The following KLHDC9 variants were observed in gnomAD, a reference collection of about 807,000 sequenced individuals.
The protein encoded by KLHDC9 is kelch domain containing 9, also known as kelch domain-containing protein 9.
Under a neutral mutation model 31.5 loss-of-function variants are expected in KLHDC9, and 26 were observed. The ratio of observed to expected loss-of-function variants is 0.83; its 90% CI spans 0.61 to 1.15. The LOEUF is 1.15. Among genes scored for constraint, KLHDC9 ranks in the 50% most tolerant of loss-of-function variants. KLHDC9 has a pLI of 0.00. For missense variants in KLHDC9, 437 were observed against 467.7 expected (o/e 0.93, Z 0.61); for synonymous variants, 176 against 184.7 (o/e 0.95, Z 0.38).
chr1:161,098,527 C>T lies in KLHDC9; in HGVS notation c.-9C>T. On this transcript the variant is annotated 5_prime_UTR_variant, in exon 1 of 4. Transcript: ENST00000368011. This position sits in a 1 kb window ranked among gnomAD's most constrained non-coding sequence, Gnocchi z 6.3. ...GCAGACCCCACCGCCCTCCCTCTCC[C>T]CGGGGCCCATGGCGGTGGCCGTGCC... 1.3e-6 allele frequency: 2 copies of T among 1,545,166 alleles called. No homozygotes were observed. Among genetic ancestry groups the T allele is most frequent in the Non-Finnish European group, 1.7e-6 (2 of 1,143,108 alleles).
At chr1:161,099,107 T>C (rs766661625) in intron 1 of KLHDC9, 45 bp downstream of exon 1, 3 of 1,573,484 alleles carry the variant, frequency 1.9e-6, no homozygotes, top group East Asian at 4.6e-5. Context: ...ATCCACACTC[T>C]CGAAAAACAA....
chr1:161,098,400 T>G lies in KLHDC9; in HGVS notation c.-136T>G. ...GCGACCACGGAGAGAAAGCCGGGAC[T>G]TGAGGTGGGAACCCCGGCTGGCGTC... On this transcript the variant is annotated 5_prime_UTR_variant, in exon 1 of 4. Transcript: ENST00000368011. This position sits in a 1 kb window ranked among gnomAD's most constrained non-coding sequence, Gnocchi z 6.3. 1.4e-6 allele frequency: 1 copy of G among 728,998 alleles called. No individual in the cohort carries two copies. The highest frequency in any genetic ancestry group is 2.1e-6 in the Non-Finnish European group (1 of 469,496). 45.2% of individuals were successfully genotyped at this position (728,998 alleles called of 1,614,324 possible).
Position 161,098,838 on chromosome 1 carries a change from T to C in KLHDC9, c.303T>C (p.Ser101=). 1 of 1,577,956 alleles carries C rather than the reference T, an allele frequency of 6.3e-7. No individual in the cohort carries two copies. The highest frequency in any genetic ancestry group is 8.6e-7 in the Non-Finnish European group (1 of 1,162,054). ...GCGTGGTGGGCGGCTGGGACGGGTC[T>C]CGCCGCTTGGCCACAGTGACCGCAC... is the stretch of plus-strand genomic sequence containing the variant. The part of the protein sequence containing the change: ...WLCVVGGWDG[S]RRLATVTALD... Residue 101 remains serine, a synonymous_variant, in exon 1 of 4, where the codon TCT becomes TCC. Coordinates refer to ENST00000368011, the MANE Select transcript of KLHDC9 (RefSeq NM_152366.5). This position sits in a 1 kb window ranked among gnomAD's most constrained non-coding sequence, Gnocchi z 6.3.
rs142593956 is a variant in KLHDC9, at chr1:161,099,493, T to C, written c.675T>C (p.His225=). 4 of 1,614,122 alleles carry C rather than the reference T, an allele frequency of 2.5e-6. No homozygotes were observed. The highest frequency in any genetic ancestry group is 3.4e-6 in the Non-Finnish European group (4 of 1,180,054). ...AEPEVAGHWS[H]GKIKEEPPVA... Reference sequence around the variant, plus strand: ...CAGAAGTAGCTGGGCATTGGAGTCATGGGAAAATTAAGGTATTAGCTCCTC... The same window carrying C: ...CAGAAGTAGCTGGGCATTGGAGTCACGGGAAAATTAAGGTATTAGCTCCTC... Residue 225 remains histidine, a synonymous_variant, in exon 2 of 4, where the codon CAT becomes CAC. Transcript: ENST00000368011.
chr1:161,099,466 A>G lies in KLHDC9; in HGVS notation c.648A>G (p.Glu216=), dbSNP rs779722431. 1.2e-6 allele frequency: 2 copies of G among 1,614,260 alleles called. No individual in the cohort carries two copies. Among genetic ancestry groups the G allele is most frequent in the Admixed American group, 3.3e-5 (2 of 60,032 alleles). Residue 216 remains glutamate, a synonymous_variant, in exon 2 of 4, where the codon GAA becomes GAG. Transcript: ENST00000368011. ...LLLFGGCNLA[E]PEVAGHWSHG... ...TCTTTGGAGGTTGCAACTTAGCTGA[A>G]CCAGAAGTAGCTGGGCATTGGAGTC...
Position 161,098,734 on chromosome 1 carries a change from C to T in KLHDC9, c.199C>T (p.Gln67Ter), listed in dbSNP as rs1654422653. ...GGTGGTTTTCGACCCAGCTAGGGGC[C>T]AGGCCGTACGATTGGGAGCCCGGGG... ...DTVVFDPARG[Q>*]AVRLGARGSP... The change falls in exon 1 of 4, where the codon CAG becomes TAG. Residue 67 changes from glutamine (Q) to a stop codon, truncating the protein, a stop_gained. Transcript: ENST00000368011. LOFTEE classifies it high-confidence loss of function. This position sits in a 1 kb window ranked among gnomAD's most constrained non-coding sequence, Gnocchi z 6.3. 6.2e-7 allele frequency: 1 copy of T among 1,609,804 alleles called. No homozygotes were observed. The highest frequency in any genetic ancestry group is 1.3e-5 in the African/African-American group (1 of 74,810).
rs1654417550 is a variant in KLHDC9, at chr1:161,098,644, C to T, written c.109C>T (p.Arg37Trp). ...ARAFHSCTEL[R>W]GRFYLVGGLL... ...AGCTTTCCATTCATGCACCGAACTG[C>T]GGGGACGGTTCTATCTCGTAGGTGG... Residue 37 changes from arginine (R) to tryptophan (W), a missense_variant, in exon 1 of 4, where the codon CGG becomes TGG. By Grantham distance (101) the Arg-to-Trp change is moderately radical. Coordinates refer to ENST00000368011, the MANE Select transcript of KLHDC9 (RefSeq NM_152366.5). The surrounding 1 kb of genome is among the most constrained non-coding windows in gnomAD (Gnocchi z 6.3). 3 of 1,612,062 alleles carry T rather than the reference C, an allele frequency of 1.9e-6. No homozygotes were observed. Among genetic ancestry groups the T allele is most frequent in the Non-Finnish European group, 8.5e-7 (1 of 1,179,088 alleles).
intron 3 of KLHDC9, 92 bp from the exon 4 acceptor site, chr1:161,099,969 G>GA (rs1390488242): frequency 1.3e-6 from 2 of 1,508,022 alleles, no homozygotes; most frequent in Non-Finnish European, 1.8e-6. Context: ...CAAGTGAGCA[G>GA]AAAAACAATG....
chr1:161,100,098 A>G lies in KLHDC9; in HGVS notation c.924A>G (p.Ala308=), dbSNP rs1428708932. 6.2e-7 allele frequency: 1 copy of G among 1,614,244 alleles called. No homozygotes were observed. Among genetic ancestry groups the G allele is most frequent in the Middle Eastern group, 1.6e-4 (1 of 6,062 alleles). ...CTTTGTGGTTCCACTTCCCCTGTGCAGATCGTGGGATGAAACGCATGGGCC... is the reference window on the plus strand; with the variant it reads ...CTTTGTGGTTCCACTTCCCCTGTGCGGATCGTGGGATGAAACGCATGGGCC... The part of the protein sequence containing the change: ...SPPLWFHFPC[A]DRGMKRMGHR... The change falls in exon 4 of 4, where the codon GCA becomes GCG. Residue 308 remains alanine (A), a synonymous_variant. Coordinates refer to ENST00000368011, the MANE Select transcript of KLHDC9 (RefSeq NM_152366.5).
chr1:161,099,789 T>C lies in KLHDC9; in HGVS notation c.879T>C (p.Tyr293=), dbSNP rs1654490272. The change falls in exon 3 of 4, where the codon TAT becomes TAC. Residue 293 remains tyrosine, a synonymous_variant. Coordinates refer to ENST00000368011, the MANE Select transcript of KLHDC9 (RefSeq NM_152366.5). ...RDTICNDLYI[Y]DTRTSPPLWF... is the part of the protein sequence containing the mutation. Reference sequence around the variant, plus strand: ...CCATCTGCAATGATCTCTACATCTATGATACTCGTGAGAGCCAGACTAATG... The same window carrying C: ...CCATCTGCAATGATCTCTACATCTACGATACTCGTGAGAGCCAGACTAATG... The C allele has an allele frequency of 3.7e-6, 6 of 1,611,908 alleles. No individual in the cohort carries two copies. Among genetic ancestry groups the C allele is most frequent in the Admixed American group, 1.7e-5 (1 of 59,916 alleles).
chr1:161,099,908 A>G (rs1215363546), intron 3 of KLHDC9, 112 bp downstream of exon 3: 14 of 1,310,650 alleles, frequency 1.1e-5, no homozygotes, highest in Non-Finnish European at 1.5e-5. Flanking sequence ...ATTAGTTGAC[A>G]GGAGTTAAAG....
chr1:161,099,009 ACG>A lies in KLHDC9; in HGVS notation c.476_477del (p.Arg159LeufsTer57). Reference sequence around the variant, plus strand: ...GGGAGGGCGGTATCCACACTCAGCGACGCTATGGAAGCATCTACACATTAAGG... The same window carrying A: ...GGGAGGGCGGTATCCACACTCAGCGACTATGGAAGCATCTACACATTAAGG... ...GREGGIHTQRRYGSIYTLRLD... is the reference protein window; with the variant it reads ...GREGGIHTQRXYGSIYTLRLD... On this transcript the variant is annotated frameshift_variant, in exon 1 of 4. Transcript: ENST00000368011. LOFTEE classifies it high-confidence loss of function. 6.3e-7 allele frequency: 1 copy of A among 1,595,952 alleles called. No homozygotes were observed. Among genetic ancestry groups the A allele is most frequent in the Non-Finnish European group, 8.5e-7 (1 of 1,178,408 alleles).
intron 2 of KLHDC9, 31 bp from the exon 3 acceptor site, chr1:161,099,567 C>A: frequency 1.2e-6 from 2 of 1,614,136 alleles, no homozygotes; most frequent in Non-Finnish European, 1.7e-6. Context: ...ATGCCCAGGT[C>A]TCTTCGGACA....
rs775500503 is a variant in KLHDC9, at chr1:161,099,414, G to A, written c.596G>A (p.Gly199Glu). 1.9e-6 allele frequency: 3 copies of A among 1,614,218 alleles called. No individual in the cohort carries two copies. The highest frequency in any genetic ancestry group is 2.2e-5 in the South Asian group (2 of 91,084). The change falls in exon 2 of 4, where the codon GGA becomes GAA. Residue 199 changes from glycine to glutamate, a missense_variant. By Grantham distance (98) the Gly-to-Glu change is moderately conservative (BLOSUM62 -2). Coordinates refer to ENST00000368011, the MANE Select transcript of KLHDC9 (RefSeq NM_152366.5). ...GHCAALLQTPGPHPGHQLLLF... is the reference protein window; with the variant it reads ...GHCAALLQTPEPHPGHQLLLF... ...TGTGCGGCCCTGCTCCAAACTCCTGGACCCCATCCAGGTCATCAGCTATTG... is the reference window on the plus strand; with the variant it reads ...TGTGCGGCCCTGCTCCAAACTCCTGAACCCCATCCAGGTCATCAGCTATTG...
Position 161,098,460 on chromosome 1 carries a change from G to T in KLHDC9, c.-76G>T. 1 of 1,318,598 alleles carries T rather than the reference G, an allele frequency of 7.6e-7. No individual in the cohort carries two copies. The allele number at this position is 1,318,598 out of a possible 1,614,324, so 81.7% of individuals were successfully genotyped here. The stretch of plus-strand genomic sequence containing the variant: ...GAGGTTCCCGGGGAAGCCCGCGGAA[G>T]GCGAGGTGCCTGGCCTGCCATGTAG... On this transcript the variant is annotated 5_prime_UTR_variant, in exon 1 of 4. It adds an upstream start codon to the 5' untranslated region. Coordinates refer to ENST00000368011, the MANE Select transcript of KLHDC9 (RefSeq NM_152366.5). The surrounding 1 kb of genome is among the most constrained non-coding windows in gnomAD (Gnocchi z 6.3).
intron 3 of KLHDC9, 125 bp downstream of exon 3, chr1:161,099,921 G>A (rs953316735): frequency 1.5e-6 from 2 of 1,323,654 alleles, no homozygotes; most frequent in African/African-American, 1.5e-5. Context: ...AGTTAAAGGA[G>A]TACACAGAAT....
At chr1:161,099,257 T>A in intron 1 of KLHDC9, 89 bp from the exon 2 acceptor site, 1 of 1,498,932 alleles carries the variant, frequency 6.7e-7, no homozygotes, top group Non-Finnish European at 9.3e-7. Context: ...CACTGCCCCA[T>A]GCCTCTTCTC....
chr1:161,099,169 C>A, intron 1 of KLHDC9, 107 bp downstream of exon 1: 1 of 1,362,454 alleles, frequency 7.3e-7, no homozygotes, highest in Non-Finnish European at 1.0e-6. Context: ...CTCTAGCACC[C>A]TCCTTCCAGG....
At position 161,099,035 on chromosome 1, in the gene KLHDC9, G is replaced by A; in HGVS notation, c.500G>A (p.Arg167Lys). The change falls in exon 1 of 4, where the codon AGG becomes AAG. Residue 167 changes from arginine to lysine, a missense_variant. Coordinates refer to ENST00000368011, the MANE Select transcript of KLHDC9 (RefSeq NM_152366.5). ...CGCTATGGAAGCATCTACACATTAA[G>A]GCTGGACCCCAGCGCCCGCACCTAT... is the stretch of plus-strand genomic sequence containing the variant. ...QRRYGSIYTL[R>K]LDPSARTYCY... The A allele has an allele frequency of 6.3e-7, 1 of 1,597,290 alleles. No homozygotes were observed. Among genetic ancestry groups the A allele is most frequent in the East Asian group, 2.2e-5 (1 of 44,754 alleles).
Sources: gnomAD v4.1 joint callset for allele counts on GRCh38, gnomAD v4.1.1 for gene constraint, Gnocchi (gnomAD v3.1) non-coding constraint, MANE v1.5 for transcripts, NCBI Gene and HGNC (gene_info 2026-07-23, HGNC 2026-07-21) for gene names.